FCRL5: variants seen among roughly 807,000 people sequenced by gnomAD.
FCRL5 encodes Fc receptor-like protein 5.
A neutral mutation model predicts 92.1 loss-of-function variants in FCRL5; 79 were observed. The observed-to-expected ratio is 0.86, with a 90% CI of 0.72 to 1.03. FCRL5 has a LOEUF of 1.03. FCRL5 is among the 50% of genes least tolerant of loss of function. The pLI is 0.00. For synonymous variants in FCRL5, 466 were observed against 469.3 expected, an observed-to-expected ratio of 0.99 and a Z score of 0.09; for missense variants, 1,160 against 1,181.1, an observed-to-expected ratio of 0.98 and a Z score of 0.26.
At chr1:157,551,981 G>T (rs939250658) in intron 1 of FCRL5, among the ~76,000 whole-genome samples, 1 of 152,212 alleles carries the variant, frequency 6.6e-6, no homozygotes, top group African/African-American at 2.4e-5. Context: ...CATCTCCTCT[G>T]CAGAGAGGAG....
chr1:157,544,779 C>A, intron 4 of FCRL5, 52 bp downstream of exon 4: 1 of 1,608,762 alleles, frequency 6.2e-7, no homozygotes, highest in Non-Finnish European at 8.5e-7. Context: ...CTCTATGACC[C>A]CAAGGAATCT....
chr1:157,543,035 C>A lies in FCRL5; in HGVS notation c.947G>T (p.Arg316Leu), dbSNP rs565049633. The A allele has an allele frequency of 3.1e-6, 5 of 1,614,222 alleles. No homozygotes were observed. The highest frequency in any genetic ancestry group is 3.4e-6 in the Non-Finnish European group (4 of 1,180,040). ...LHCETQEDSL[R>L]TLYRFYHEGV... The stretch of plus-strand genomic sequence containing the variant: ...CTCATGATAAAACCTGTACAAAGTG[C>A]GCAGAGAATCTTCCTGGGTTTCACA... The change falls in exon 6 of 17, where the codon CGC becomes CTC. Residue 316 changes from arginine (R) to leucine (L), a missense_variant. Arg to Leu is a moderately radical substitution (Grantham distance 102). Transcript: ENST00000361835.
chr1:157,522,524 T>C (rs538330069), intron 10 of FCRL5: 1 of 152,248 alleles, frequency 6.6e-6, no homozygotes, highest in Non-Finnish European at 1.5e-5. Flanking sequence ...CAGGTTTATC[T>C]TAATAATTAA....
chr1:157,546,592 G>A (rs1651552256), intron 3 of FCRL5, among the ~76,000 whole-genome samples: 2 of 152,050 alleles, frequency 1.3e-5, no homozygotes, highest in African/African-American at 4.8e-5. Context: ...ATAAATTGCT[G>A]GACCCCACTT....
chr1:157,542,688 G>T, intron 6 of FCRL5, 171 bp downstream of exon 6: 1 of 794,742 alleles, frequency 1.3e-6, no homozygotes, highest in Non-Finnish European at 2.0e-6. Context: ...GCAATGCAAC[G>T]AGACTCAAGA....
At chr1:157,550,633 C>G (rs1252886781) in intron 1 of FCRL5, among the ~76,000 whole-genome samples, 2 of 152,120 alleles carry the variant, frequency 1.3e-5, no homozygotes, top group African/African-American at 2.4e-5. Context: ...CTAGGACTTT[C>G]CTTATGTTCA....
Position 157,552,397 on chromosome 1 carries a change from A to C in FCRL5, c.-35T>G, listed in dbSNP as rs776962793. ...GACCACCAAGGGCTGAGATCAAAAGAGAAGTTTCCTCAATTCCAAAACAGG... is the reference window on the plus strand; with the variant it reads ...GACCACCAAGGGCTGAGATCAAAAGCGAAGTTTCCTCAATTCCAAAACAGG... On this transcript the variant is annotated 5_prime_UTR_variant, in exon 1 of 17. Coordinates refer to ENST00000361835, the MANE Select transcript of FCRL5 (RefSeq NM_031281.3). The C allele has an allele frequency of 1.9e-6, 3 of 1,613,550 alleles. No individual in the cohort carries two copies. The highest frequency in any genetic ancestry group is 2.5e-6 in the Non-Finnish European group (3 of 1,179,498).
At position 157,542,948 on chromosome 1, in the gene FCRL5, A is replaced by G. The variant is rs1351306732; in HGVS notation, c.1034T>C (p.Leu345Pro). Residue 345 changes from leucine (L) to proline (P), a missense_variant, in exon 6 of 17, where the codon CTG becomes CCG. Transcript: ENST00000361835. ...GTAGTTCCCTGAATTCTCTGTAGTC[A>G]GTGAGAAGCTGATGGATGCTCCCCT... is the stretch of plus-strand genomic sequence containing the variant. ...CERGASISFS[L>P]TTENSGNYYC... 6.2e-7 allele frequency: 1 copy of G among 1,614,088 alleles called. No homozygotes were observed. The highest frequency in any genetic ancestry group is 8.5e-7 in the Non-Finnish European group (1 of 1,180,034).
chr1:157,534,263 A>G (rs1650829896), intron 8 of FCRL5: 2 of 669,346 alleles, frequency 3.0e-6, no homozygotes, highest in East Asian at 2.9e-5. Context: ...ATATTTATCT[A>G]TAAGACTGTG....
Position 157,527,765 on chromosome 1 carries a change from A to G in FCRL5, c.1812T>C (p.Asp604=). ...GGGCTGAGCTGCTCCCCAGGGTGAC[A>G]TCCTCATGATAAAACCAGTACAGGA... ...PPILYWFYHE[D]VTLGSSSAPS... Residue 604 remains aspartate (D), a synonymous_variant, in exon 9 of 17, where the codon GAT becomes GAC. Transcript: ENST00000361835. The G allele has an allele frequency of 6.2e-7, 1 of 1,614,190 alleles. No homozygotes were observed. Among genetic ancestry groups the G allele is most frequent in the Non-Finnish European group, 8.5e-7 (1 of 1,180,022 alleles).
At chr1:157,543,593 T>C (rs1235195414) in intron 5 of FCRL5, among the ~76,000 whole-genome samples, 1 of 152,190 alleles carries the variant, frequency 6.6e-6, no homozygotes. Context: ...GTGTCCTGAC[T>C]CCTAGTCTGG....
Position 157,550,616 on chromosome 1 carries a change from A to G in FCRL5, c.32-1036T>C, listed in dbSNP as rs369568980. ...TTCCCTTCTCTATAATGCAAGCTCT[A>G]TGAGACCTAGGACTTTCCTTATGTT... On this transcript the variant is annotated intron_variant, in intron 1 of 16. Coordinates refer to ENST00000361835, the MANE Select transcript of FCRL5 (RefSeq NM_031281.3). Among the ~76,000 whole-genome samples, 111 of 152,334 alleles carry G rather than the reference A, an allele frequency of 7.3e-4. 2 individuals carry two copies. In the South Asian group the frequency reaches 0.018, roughly 25 times the overall value.
rs1342928667 is a variant in FCRL5 at position 157,534,596 on chromosome 1, C to T, written c.1681+18G>A. ...AACTCAGCCAGGGGTGGGTGACTGGCAAGAACCCAGCACTTACCAGTGACA... is the reference window on the plus strand; with the variant it reads ...AACTCAGCCAGGGGTGGGTGACTGGTAAGAACCCAGCACTTACCAGTGACA... On this transcript the variant is annotated intron_variant, in intron 8 of 16. Coordinates refer to ENST00000361835, the MANE Select transcript of FCRL5 (RefSeq NM_031281.3). 6 of 1,613,920 alleles carry T rather than the reference C, an allele frequency of 3.7e-6. No individual in the cohort carries two copies. The African/African-American group carries it at 8.0e-5, about 22-fold the overall frequency.
intron 15 of FCRL5, among the ~76,000 whole-genome samples, chr1:157,517,344 G>A (rs537940747): frequency 6.6e-6 from 1 of 152,288 alleles, no homozygotes; most frequent in South Asian, 2.1e-4. Context: ...TGCCCCCAAA[G>A]ATGTCACGCC....
chr1:157,518,554 T>C, intron 14 of FCRL5, 57 bp from the exon 15 acceptor site: 1 of 1,516,398 alleles, frequency 6.6e-7, no homozygotes, highest in Non-Finnish European at 9.2e-7. Context: ...TTGTTAGAGA[T>C]ACTTCCTCCT....
intron 11 of FCRL5, among the ~76,000 whole-genome samples, chr1:157,520,803 A>G (rs1333583042): frequency 2.6e-5 from 4 of 152,252 alleles, no homozygotes; most frequent in Non-Finnish European, 5.9e-5. Context: ...CTCTAAAGTC[A>G]GTGGCGCTCT....
rs1571069326 is a variant in FCRL5 at position 157,516,020 on chromosome 1, C to T, written c.2813-147G>A. On this transcript the variant is annotated intron_variant, in intron 15 of 16. Coordinates refer to ENST00000361835, the MANE Select transcript of FCRL5 (RefSeq NM_031281.3). The stretch of plus-strand genomic sequence containing the variant: ...CCATTCCTCTTAGTTGGTGCTCACC[C>T]AGTCCCTCTCCATTCCCAACTCCCT... 10 of 823,888 alleles carry T rather than the reference C, an allele frequency of 1.2e-5. No individual in the cohort carries two copies. The Middle Eastern group carries it at 1.0e-3, about 85-fold the overall frequency. The allele number at this position is 823,888 out of a possible 1,614,324, so 51.0% of individuals were successfully genotyped here.
chr1:157,520,678 T>C (rs1222413429), intron 11 of FCRL5, 131 bp from the exon 12 acceptor site: 1 of 667,772 alleles, frequency 1.5e-6, no homozygotes, highest in Non-Finnish European at 2.6e-6. Context: ...CAGGGGCTGG[T>C]GTGGCACAGA....
rs369462199 is a variant in FCRL5, at chr1:157,524,573, C to G, written c.1961-16G>C. The G allele has an allele frequency of 6.4e-7, 1 of 1,561,970 alleles. No homozygotes were observed. The stretch of plus-strand genomic sequence containing the variant: ...GATACTGGAACTGAGGGAGGAAAAA[C>G]GTTATGTATCAGCTGCTTCTGCTAA... On this transcript the variant is annotated splice_polypyrimidine_tract_variant and intron_variant, in intron 9 of 16. Coordinates refer to ENST00000361835, the MANE Select transcript of FCRL5 (RefSeq NM_031281.3).
Sources: gnomAD v4.1 joint callset for allele counts (sites outside exome capture counted in the v4.1 genomes callset) on GRCh38, gnomAD v4.1.1 for gene constraint, MANE v1.5 for transcripts, NCBI Gene and HGNC (gene_info 2026-07-23, HGNC 2026-07-21) for gene names.